F11: variants seen among roughly 807,000 people sequenced by gnomAD.
F11 encodes the protein coagulation factor XI.
F11 carries 78 observed loss-of-function variants against 76.5 expected under a neutral mutation model. That is an observed-to-expected ratio of 1.02 (90% confidence interval 0.85 to 1.23). The LOEUF is 1.23. F11 is among the 50% of genes most tolerant of loss of function. The pLI, the probability that F11 is intolerant of heterozygous loss-of-function variation, is 0.00. For missense variants in F11, 742 were observed against 771.4 expected (o/e 0.96, Z 0.45); for synonymous variants, 278 against 276.3 (o/e 1.01, Z -0.06).
intron 7 of F11, among the ~76,000 whole-genome samples, chr4:186,278,147 G>A (rs568258775): frequency 3.9e-5 from 6 of 152,254 alleles, no homozygotes; most frequent in South Asian, 2.1e-4. Context: ...ACAAATATCC[G>A]TAAAATTAAG....
At chr4:186,280,683 C>G (rs544957435) in intron 10 of F11, 103 bp downstream of exon 10, 1 of 1,047,526 alleles carries the variant, frequency 9.5e-7, no homozygotes, top group African/African-American at 1.6e-5. Context: ...GGAGAACATT[C>G]AGGAAATAAC....
chr4:186,276,303 CT>C lies in F11; in HGVS notation c.672del (p.Phe224LeufsTer125). ...ATCGACAGTGTCATGGCTCCCGATG[CT>C]TTTGTCTGTGGCCGAATCTGCACTC... ...SNIDSVMAPD[A>X]FVCGRICTHH... On this transcript the variant is annotated frameshift_variant, in exon 7 of 15. Coordinates refer to ENST00000403665, the MANE Select transcript of F11 (RefSeq NM_000128.4). LOFTEE classifies it high-confidence loss of function. 1 of 1,614,096 alleles carries C rather than the reference CT, an allele frequency of 6.2e-7. No homozygotes were observed. The highest frequency in any genetic ancestry group is 8.5e-7 in the Non-Finnish European group (1 of 1,180,024).
Position 186,271,759 on chromosome 4 carries a change from A to G in F11, c.206A>G (p.Asp69Gly), listed in dbSNP as rs1002456131. Residue 69 changes from aspartate (D) to glycine (G), a missense_variant, in exon 3 of 15, where the codon GAT becomes GGT. By Grantham distance (94) the Asp-to-Gly change is moderately conservative. Transcript: ENST00000403665. ...TTCACGGCGGAATCACCATCTGAGG[A>G]TCCCACCCGATGGTAAATGCTTATG... Reference protein sequence around the residue: ...FTFTAESPSEDPTRWFTCVLK... With the variant: ...FTFTAESPSEGPTRWFTCVLK... 8 of 1,614,050 alleles carry G rather than the reference A, an allele frequency of 5.0e-6. No individual in the cohort carries two copies. Among genetic ancestry groups the G allele is most frequent in the Non-Finnish European group, 5.9e-6 (7 of 1,180,012 alleles).
Position 186,280,569 on chromosome 4 carries a change from A to G in F11, c.1124A>G (p.Lys375Arg). The change falls in exon 10 of 15, where the codon AAA becomes AGA. Residue 375 changes from lysine to arginine, a missense_variant. By Grantham distance (26) the Lys-to-Arg change is conservative (BLOSUM62 2). Coordinates refer to ENST00000403665, the MANE Select transcript of F11 (RefSeq NM_000128.4). ...GISGYTLRLC[K>R]MDNECTTKIK... ...TCTGGATACACATTAAGGTTGTGTAAAATGGATAATGGTGAGTATAATGTC... is the reference window on the plus strand; with the variant it reads ...TCTGGATACACATTAAGGTTGTGTAGAATGGATAATGGTGAGTATAATGTC... 7 of 1,610,972 alleles carry G rather than the reference A, an allele frequency of 4.3e-6. No individual in the cohort carries two copies. In the South Asian group the frequency reaches 6.6e-5, roughly 15 times the overall value.
intron 2 of F11, among the ~76,000 whole-genome samples, chr4:186,267,469 G>A (rs911153467): frequency 5.9e-5 from 9 of 152,128 alleles, no homozygotes; most frequent in African/African-American, 2.2e-4. Flanking sequence ...ATATTAAAAA[G>A]AAGAAATCTT....
chr4:186,268,439 T>C (rs1343111701), intron 2 of F11, among the ~76,000 whole-genome samples: 6 of 152,130 alleles, frequency 3.9e-5, no homozygotes, highest in Non-Finnish European at 1.5e-5. Flanking sequence ...TACATGCACA[T>C]GGAACATTTA....
intron 2 of F11, among the ~76,000 whole-genome samples, chr4:186,269,721 A>G (rs4253827): frequency 0.011 from 1,678 of 152,332 alleles, 34 homozygotes; most frequent in African/African-American, 0.039. Flanking sequence ...GTGCCACAGA[A>G]CTGTACACTC....
intron 2 of F11, among the ~76,000 whole-genome samples, chr4:186,268,649 T>C (rs545231628): frequency 6.6e-6 from 1 of 152,208 alleles, no homozygotes; most frequent in South Asian, 2.1e-4. Context: ...AAAAAGGGAA[T>C]TGAAAATCTG....
At position 186,288,495 on chromosome 4, in the gene F11, T is replaced by C. The variant is rs1203115813; in HGVS notation, c.1759T>C (p.Trp587Arg). The C allele has an allele frequency of 6.2e-7, 1 of 1,614,168 alleles. No homozygotes were observed. Among genetic ancestry groups the C allele is most frequent in the Non-Finnish European group, 8.5e-7 (1 of 1,180,020 alleles). The change falls in exon 15 of 15, where the codon TGG becomes CGG. Residue 587 changes from tryptophan (W) to arginine (R), a missense_variant. Physicochemically the swap from Trp to Arg is moderately radical, Grantham distance 101 (BLOSUM62 -3). Coordinates refer to ENST00000403665, the MANE Select transcript of F11 (RefSeq NM_000128.4). ...GPLSCKHNEV[W>R]HLVGITSWGE... is the part of the protein sequence containing the mutation. ...TCTGTCCTGCAAACACAATGAGGTC[T>C]GGCATCTGGTAGGCATCACGAGCTG...
chr4:186,274,502 A>G (rs1188423101), intron 5 of F11: 2 of 579,164 alleles, frequency 3.5e-6, no homozygotes, highest in African/African-American at 3.8e-5. Context: ...AGAAAAATAT[A>G]TATACTTGGC....
chr4:186,287,610 T>TA (rs1162138453), intron 13 of F11, 74 bp from the exon 14 acceptor site: 2 of 668,052 alleles, frequency 3.0e-6, no homozygotes, highest in East Asian at 4.3e-5. Flanking sequence ...ATATATATAT[T>TA]TATATGTATG....
intron 5 of F11, 82 bp downstream of exon 5, chr4:186,274,357 G>T (rs971628469): frequency 4.6e-5 from 72 of 1,569,374 alleles, no homozygotes; most frequent in South Asian, 3.1e-4. Flanking sequence ...TCAACTTTAT[G>T]CCAGAATTTA....
At chr4:186,273,414 A>T (rs1450811156) in intron 4 of F11, among the ~76,000 whole-genome samples, 1 of 151,976 alleles carries the variant, frequency 6.6e-6, no homozygotes, top group African/African-American at 2.4e-5. Flanking sequence ...CCCATCATTT[A>T]TTTATATTCT....
At chr4:186,274,583 C>T (rs1457265395) in intron 5 of F11, 2 of 393,042 alleles carry the variant, frequency 5.1e-6, no homozygotes, top group Non-Finnish European at 9.5e-6. Flanking sequence ...TTGTCAGTGC[C>T]CTTCCCAGTC....
At position 186,281,860 on chromosome 4, in the gene F11, C is replaced by A. The variant is rs1255047213; in HGVS notation, c.1135+1280C>A. ...CGAATCAATCCTTAATTTCTGAGAA[C>A]TTGTTTTGTAGAACATAAAGACGTT... On this transcript the variant is annotated intron_variant, in intron 10 of 14. Transcript: ENST00000403665. The A allele has an allele frequency of 2.5e-6, 3 of 1,202,062 alleles. No homozygotes were observed. In the Admixed American group the frequency reaches 7.5e-5, roughly 30 times the overall value. The allele number at this position is 1,202,062 out of a possible 1,614,324, so 74.5% of individuals were successfully genotyped here.
chr4:186,273,084 C>A lies in F11; in HGVS notation c.232C>A (p.Leu78Met), dbSNP rs1173237540. The A allele has an allele frequency of 1.2e-6, 2 of 1,611,930 alleles. No individual in the cohort carries two copies. Reference sequence around the variant, plus strand: ...TTAAAAAAACAGGTTTACTTGTGTCCTGAAAGACAGTGTTACAGAAACACT... The same window carrying A: ...TTAAAAAAACAGGTTTACTTGTGTCATGAAAGACAGTGTTACAGAAACACT... ...EDPTRWFTCV[L>M]KDSVTETLPR... The change falls in exon 4 of 15, where the codon CTG (leucine) becomes ATG (methionine). Residue 78 changes from leucine to methionine, a missense_variant. Coordinates refer to ENST00000403665, the MANE Select transcript of F11 (RefSeq NM_000128.4).
intron 5 of F11, 117 bp from the exon 6 acceptor site, chr4:186,275,670 A>G (rs917686914): frequency 1.3e-6 from 1 of 741,310 alleles, no homozygotes; most frequent in African/African-American, 1.7e-5. Flanking sequence ...AGCCTCCCAG[A>G]TGGATGCTTC....
At chr4:186,273,822 T>C (rs1740163553) in intron 4 of F11, among the ~76,000 whole-genome samples, 1 of 152,204 alleles carries the variant, frequency 6.6e-6, no homozygotes, top group African/African-American at 2.4e-5. Context: ...TAATAGTGAA[T>C]AGATACTTGA....
At chr4:186,277,663 A>T (rs1199501902) in intron 7 of F11, among the ~76,000 whole-genome samples, 1 of 152,206 alleles carries the variant, frequency 6.6e-6, no homozygotes, top group Non-Finnish European at 1.5e-5. Flanking sequence ...CAAGTGGGTT[A>T]GGGTGGTGGT....
Sources: allele counts gnomAD v4.1 joint callset (sites outside exome capture counted in the v4.1 genomes callset), GRCh38; gene constraint gnomAD v4.1.1; transcripts MANE v1.5; gene names NCBI Gene and HGNC (gene_info 2026-07-23, HGNC 2026-07-21).